ERBIN: variants seen among roughly 807,000 people sequenced by gnomAD.
ERBIN encodes erbb2 interacting protein.
In ERBIN, 60 loss-of-function variants were observed where a neutral mutation model predicts 158.4. The observed-to-expected ratio is 0.38, with a 90% CI of 0.31 to 0.47. ERBIN has a LOEUF of 0.47. Ranked by LOEUF, ERBIN falls within the 20% of genes least tolerant of loss-of-function variation. The pLI is 0.99. For missense variants in ERBIN, 1,610 were observed against 1,648.0 expected (o/e 0.98, Z 0.40); for synonymous variants, 594 against 557.2 (o/e 1.07, Z -0.93).
chr5:66,058,257 T>C (rs1438044713), intron 21 of ERBIN, among the ~76,000 whole-genome samples: 1 of 151,676 alleles, frequency 6.6e-6, no homozygotes, highest in Non-Finnish European at 1.5e-5. Flanking sequence ...TCTATCTCAT[T>C]GTGGTTTTGA....
chr5:66,024,277 G>A, intron 9 of ERBIN, 29 bp from the exon 10 acceptor site: 1 of 1,391,250 alleles, frequency 7.2e-7, no homozygotes, highest in East Asian at 2.4e-5. Flanking sequence ...TGTTAATAGA[G>A]TCATTAGATT....
intron 2 of ERBIN, among the ~76,000 whole-genome samples, chr5:65,990,691 C>G (rs1047800445): frequency 6.6e-6 from 1 of 150,804 alleles, no homozygotes; most frequent in Non-Finnish European, 1.5e-5. Flanking sequence ...AAATGAGAGT[C>G]TGCATGTAGT....
intron 1 of ERBIN, among the ~76,000 whole-genome samples, chr5:65,934,491 ACCCCT>A (rs1743841174): frequency 6.6e-6 from 1 of 151,918 alleles, no homozygotes; most frequent in Non-Finnish European, 1.5e-5. Context: ...TCTGTAGAAT[ACCCCT>A]CAATTTTCAT....
intron 21 of ERBIN, among the ~76,000 whole-genome samples, chr5:66,067,319 AG>A (rs1363468221): frequency 1.3e-5 from 2 of 152,230 alleles, no homozygotes; most frequent in East Asian, 3.8e-4. Flanking sequence ...CGTCAACTTC[AG>A]ATTTTGAGAA....
chr5:65,976,896 A>G (rs981590870), intron 1 of ERBIN, among the ~76,000 whole-genome samples: 2 of 151,248 alleles, frequency 1.3e-5, no homozygotes, highest in African/African-American at 4.9e-5. Context: ...AACAAAATGA[A>G]AAGTCTCCCA....
Position 66,054,867 on chromosome 5 carries a change from A to G in ERBIN, c.3549A>G (p.Leu1183=). The G allele has an allele frequency of 6.2e-7, 1 of 1,614,118 alleles. No individual in the cohort carries two copies. Among genetic ancestry groups the G allele is most frequent in the Non-Finnish European group, 8.5e-7 (1 of 1,179,984 alleles). The part of the protein sequence containing the change: ...PNARVGSEHS[L]LDPPGKSKVP... ...CAAGGGTTGGTTCTGAGCATTCTTT[A>G]TTAGATCCTCCAGGAAAAAGTAAAG... The change falls in exon 21 of 26, where the codon TTA becomes TTG. Residue 1183 remains leucine (L), a synonymous_variant. Transcript: ENST00000284037.
intron 1 of ERBIN, among the ~76,000 whole-genome samples, chr5:65,976,358 A>G (rs1003244027): frequency 6.6e-6 from 1 of 152,070 alleles, no homozygotes; most frequent in African/African-American, 2.4e-5. Flanking sequence ...CTTTAATCCC[A>G]GCTACTGTGG....
At chr5:66,058,851 T>A (rs536830824) in intron 21 of ERBIN, among the ~76,000 whole-genome samples, 1 of 152,274 alleles carries the variant, frequency 6.6e-6, no homozygotes, top group East Asian at 1.9e-4. Flanking sequence ...GTTGTAGATA[T>A]GCGGCATTAT....
intron 1 of ERBIN, among the ~76,000 whole-genome samples, chr5:65,982,869 A>G (rs1434239735): frequency 6.6e-6 from 1 of 152,160 alleles, no homozygotes; most frequent in Non-Finnish European, 1.5e-5. Context: ...CTTGTACACA[A>G]ATGTACTTTT....
At chr5:65,966,839 G>T (rs904470796) in intron 1 of ERBIN, among the ~76,000 whole-genome samples, 1 of 152,098 alleles carries the variant, frequency 6.6e-6, no homozygotes, top group East Asian at 1.9e-4. Flanking sequence ...AAGATATGGA[G>T]GTGGAAGACG....
chr5:65,960,505 C>G (rs1162898417), intron 1 of ERBIN, among the ~76,000 whole-genome samples: 1 of 152,136 alleles, frequency 6.6e-6, no homozygotes, highest in Non-Finnish European at 1.5e-5. Context: ...AATACTGATG[C>G]CTATGTCCTA....
intron 21 of ERBIN, among the ~76,000 whole-genome samples, chr5:66,063,391 G>A (rs1449699991): frequency 1.3e-5 from 2 of 152,188 alleles, no homozygotes; most frequent in Non-Finnish European, 2.9e-5. Context: ...CGTTGGAAAA[G>A]CGCAGTATTA....
chr5:66,065,779 G>A (rs1269550701), intron 21 of ERBIN, among the ~76,000 whole-genome samples: 1 of 151,842 alleles, frequency 6.6e-6, no homozygotes, highest in East Asian at 1.9e-4. Flanking sequence ...TGTGAAGGAG[G>A]GGGAACAACT....
chr5:66,072,070 T>C (rs1761582752), intron 21 of ERBIN, 99 bp from the exon 22 acceptor site: 1 of 1,275,886 alleles, frequency 7.8e-7, no homozygotes, highest in East Asian at 2.6e-5. Flanking sequence ...CTTTGCACTA[T>C]TTGGCAATAT....
chr5:65,957,214 A>T (rs921817341), intron 1 of ERBIN, among the ~76,000 whole-genome samples: 1 of 145,366 alleles, frequency 6.9e-6, no homozygotes, highest in East Asian at 1.9e-4. Flanking sequence ...TTAAATTTTT[A>T]TTTTATTTTA....
intron 14 of ERBIN, among the ~76,000 whole-genome samples, chr5:66,030,490 A>G (rs1756751672): frequency 6.6e-6 from 1 of 151,710 alleles, no homozygotes; most frequent in South Asian, 2.1e-4. Context: ...CCATTTACTA[A>G]CTTCACAATG....
At chr5:65,998,518 ATTTATATTTTGAAT>A (rs1752683594) in intron 4 of ERBIN, among the ~76,000 whole-genome samples, 1 of 151,946 alleles carries the variant, frequency 6.6e-6, no homozygotes. Context: ...CTTTAGAGCT[ATTTATATTTTGAAT>A]AAATTTATTA....
chr5:65,999,682 A>AG (rs1561354443), intron 4 of ERBIN, among the ~76,000 whole-genome samples: 2 of 152,140 alleles, frequency 1.3e-5, no homozygotes, highest in African/African-American at 4.8e-5. Flanking sequence ...GACAATTTCC[A>AG]TTTTTGAAGT....
chr5:66,044,377 T>G (rs1309016957), intron 17 of ERBIN, 67 bp downstream of exon 17: 1 of 1,419,122 alleles, frequency 7.0e-7, no homozygotes, highest in African/African-American at 1.4e-5. Flanking sequence ...ACAGTTGATA[T>G]AGTGCCCCTT....
Sources: gnomAD v4.1 joint callset for allele counts (sites outside exome capture counted in the v4.1 genomes callset) on GRCh38, gnomAD v4.1.1 for gene constraint, MANE v1.5 for transcripts, NCBI Gene and HGNC (gene_info 2026-07-23, HGNC 2026-07-21) for gene names.